The following CELF4 variants were observed in gnomAD, a reference collection of about 807,000 sequenced individuals.
CELF4 encodes the protein CUG-BP- and ETR-3-like factor 4.
Under a neutral mutation model 59.9 loss-of-function variants are expected in CELF4, and 18 were observed. The observed-to-expected ratio is 0.30, with a 90% CI of 0.21 to 0.45. CELF4 has a LOEUF of 0.45. CELF4 is among the 20% of genes least tolerant of loss of function. The pLI is 1.00. For synonymous variants in CELF4, 261 were observed against 267.1 expected, an observed-to-expected ratio of 0.98 and a Z score of 0.22; for missense variants, 456 against 689.0, an observed-to-expected ratio of 0.66 and a Z score of 3.79.
chr18:37,335,887 G>A (rs2097756872), intron 2 of CELF4, among the ~76,000 whole-genome samples: 1 of 152,110 alleles, frequency 6.6e-6, no homozygotes, highest in Non-Finnish European at 1.5e-5. Flanking sequence ...TCCAGCCCAA[G>A]GCCTGACACC....
intron 1 of CELF4, among the ~76,000 whole-genome samples, chr18:37,491,138 C>A (rs1307673665): frequency 6.6e-6 from 1 of 151,446 alleles, no homozygotes; most frequent in Non-Finnish European, 1.5e-5. Context: ...CCGAGAGGGG[C>A]CCCATGCCCA....
chr18:37,350,966 T>A, intron 2 of CELF4, among the ~76,000 whole-genome samples: 1 of 152,204 alleles, frequency 6.6e-6, no homozygotes, highest in East Asian at 1.9e-4. Context: ...AGAGAGCTTC[T>A]CATACTGCCT....
At chr18:37,480,237 G>A (rs1293445071) in intron 2 of CELF4, among the ~76,000 whole-genome samples, 1 of 152,310 alleles carries the variant, frequency 6.6e-6, no homozygotes, top group Middle Eastern at 3.4e-3. Context: ...CAGAGAAACA[G>A]AAGGTGGCAG....
intron 3 of CELF4, among the ~76,000 whole-genome samples, chr18:37,311,767 C>T (rs112954099): frequency 0.2 from 26,297 of 134,030 alleles, 2,545 homozygotes; most frequent in Admixed American, 0.27. Flanking sequence ...CCAGCCTGGG[C>T]GACAGAACCA....
At chr18:37,433,167 C>T (rs1603638932) in intron 2 of CELF4, among the ~76,000 whole-genome samples, 1 of 152,302 alleles carries the variant, frequency 6.6e-6, no homozygotes, top group Non-Finnish European at 1.5e-5. Context: ...CAATGGCCCC[C>T]TCTTCCCCAA....
chr18:37,261,495 C>G (rs559931615), intron 10 of CELF4, among the ~76,000 whole-genome samples: 1 of 152,326 alleles, frequency 6.6e-6, no homozygotes, highest in East Asian at 1.9e-4. Flanking sequence ...ACGAAGAAGC[C>G]AGGGCAGCAG....
rs569151608 is a variant in CELF4 at position 37,351,558 on chromosome 18, T to G, written c.370-29677A>C. Among the ~76,000 whole-genome samples, 382 of 152,218 alleles carry G rather than the reference T, an allele frequency of 2.5e-3. 2 individuals carry two copies. Among genetic ancestry groups the G allele is most frequent in the African/African-American group, 8.8e-3 (367 of 41,548 alleles). On this transcript the variant is annotated intron_variant, in intron 2 of 12. Transcript: ENST00000420428. ...GATATTATATTCAATTTTGAGCCAG[T>G]GTCCAGAAACACAGTTTTCAGCTTT...
intron 1 of CELF4, among the ~76,000 whole-genome samples, chr18:37,550,098 C>A: frequency 8.3e-6 from 1 of 121,186 alleles, no homozygotes; most frequent in Non-Finnish European, 1.7e-5. Context: ...GGGGGGGATC[C>A]GTGGGAAGAA....
rs1941942 is a variant in CELF4 at position 37,517,115 on chromosome 18, T to A, written c.287-31508A>T. Among the ~76,000 whole-genome samples the A allele has an allele frequency of 6.6e-3, 1,006 of 152,220 alleles. 12 individuals are homozygous for A. Among genetic ancestry groups the A allele is most frequent in the African/African-American group, 0.023 (964 of 41,534 alleles). ...CAGGCTTCTGCCTTCTACTTAGCAC[T>A]GAGAGAGCCAGGAATGCTGTGGGGT... On this transcript the variant is annotated intron_variant, in intron 1 of 12. Coordinates refer to ENST00000420428, the MANE Select transcript of CELF4 (RefSeq NM_020180.4).
intron 2 of CELF4, among the ~76,000 whole-genome samples, chr18:37,361,575 C>A (rs1395626828): frequency 6.6e-6 from 1 of 152,186 alleles, no homozygotes; most frequent in Non-Finnish European, 1.5e-5. Context: ...GCCTCGTTTA[C>A]AGTTGCACCC....
At chr18:37,410,468 C>A (rs1335494799) in intron 2 of CELF4, among the ~76,000 whole-genome samples, 1 of 152,250 alleles carries the variant, frequency 6.6e-6, no homozygotes, top group East Asian at 1.9e-4. Context: ...CCTGGGCTAC[C>A]AGAACCTCGG....
chr18:37,514,620 C>G (rs2099948542), intron 1 of CELF4, among the ~76,000 whole-genome samples: 1 of 152,062 alleles, frequency 6.6e-6, no homozygotes, highest in East Asian at 1.9e-4. Flanking sequence ...CCCAAGGAGG[C>G]CTGGGCGGTA....
intron 2 of CELF4, among the ~76,000 whole-genome samples, chr18:37,433,942 TTTATTTAG>T (rs1168327099): frequency 6.6e-6 from 1 of 152,188 alleles, no homozygotes; most frequent in Non-Finnish European, 1.5e-5. Flanking sequence ...TTTATTTTTA[TTTATTTAG>T]TTATTCTTCC....
chr18:37,494,855 C>T (rs1399632307), intron 1 of CELF4, among the ~76,000 whole-genome samples: 3 of 152,176 alleles, frequency 2.0e-5, no homozygotes, highest in Admixed American at 1.3e-4. Context: ...TCCCTCCCCA[C>T]CCCCAATCCT....
chr18:37,523,955 T>C (rs1418806063), intron 1 of CELF4, among the ~76,000 whole-genome samples: 1 of 152,198 alleles, frequency 6.6e-6, no homozygotes, highest in Non-Finnish European at 1.5e-5. Context: ...TACCACTCAT[T>C]TGTCCATGCT....
intron 2 of CELF4, among the ~76,000 whole-genome samples, chr18:37,450,722 A>G (rs990490960): frequency 9.2e-5 from 14 of 151,626 alleles, no homozygotes; most frequent in African/African-American, 1.5e-4. Context: ...GGCTCCCCAG[A>G]TGCCTTCCCC....
chr18:37,333,322 C>G (rs949735189), intron 2 of CELF4, among the ~76,000 whole-genome samples: 3 of 151,776 alleles, frequency 2.0e-5, no homozygotes, highest in Non-Finnish European at 4.4e-5. Flanking sequence ...CCTCTCCCTC[C>G]TCCCCCTCCA....
chr18:37,353,070 A>AT (rs2098480590), intron 2 of CELF4, among the ~76,000 whole-genome samples: 1 of 151,642 alleles, frequency 6.6e-6, no homozygotes, highest in Admixed American at 6.6e-5. Context: ...AAATACAAAA[A>AT]ATTAGCCGGG....
chr18:37,273,995 C>A, intron 6 of CELF4: 1 of 1,194,058 alleles, frequency 8.4e-7, no homozygotes, highest in East Asian at 5.6e-5. Context: ...ATCTGTGCTT[C>A]CTGGGGTTCA....
Sources: gnomAD v4.1 joint callset for allele counts (sites outside exome capture counted in the v4.1 genomes callset) on GRCh38, gnomAD v4.1.1 for gene constraint, MANE v1.5 for transcripts, NCBI Gene and HGNC (gene_info 2026-07-23, HGNC 2026-07-21) for gene names.